The following CYP7B1 variants were observed in gnomAD, a reference collection of about 807,000 sequenced individuals.
CYP7B1 encodes the protein cytochrome P450 family 7 subfamily B member 1, also known as cytochrome P450 7B1.
CYP7B1 carries 29 observed loss-of-function variants against 42.7 expected under a neutral mutation model. The ratio of observed to expected loss-of-function variants is 0.68; its 90% CI spans 0.51 to 0.93. The LOEUF is 0.93. Among genes scored for constraint, CYP7B1 ranks in the 40% least tolerant of loss-of-function variants. The pLI, the probability that CYP7B1 is intolerant of heterozygous loss-of-function variation, is 0.00. For missense variants in CYP7B1, 655 were observed against 600.5 expected (o/e 1.09, Z -0.95); for synonymous variants, 235 against 218.2 (o/e 1.08, Z -0.68).
intron 2 of CYP7B1, among the ~76,000 whole-genome samples, chr8:64,620,297 T>C (rs138621795): frequency 7.2e-4 from 110 of 152,296 alleles, no homozygotes; most frequent in African/African-American, 2.4e-3. Context: ...GCTGAAAATA[T>C]CGGTTGGAAG....
At chr8:64,730,340 G>GCTC (rs1807390030) in intron 1 of CYP7B1, among the ~76,000 whole-genome samples, 2 of 152,076 alleles carry the variant, frequency 1.3e-5, no homozygotes, top group African/African-American at 4.8e-5. Context: ...AGAGTGCTAG[G>GCTC]ATTACAGGCA....
At chr8:64,716,094 A>G (rs1807150683) in intron 1 of CYP7B1, among the ~76,000 whole-genome samples, 1 of 152,224 alleles carries the variant, frequency 6.6e-6, no homozygotes, top group African/African-American at 2.4e-5. Context: ...TTTAAAGCTT[A>G]TGTTTTGCGT....
At chr8:64,605,349 T>C (rs1403140385) in intron 4 of CYP7B1, among the ~76,000 whole-genome samples, 2 of 152,246 alleles carry the variant, frequency 1.3e-5, no homozygotes, top group African/African-American at 4.8e-5. Context: ...ATTTCTTTTA[T>C]GCTAGCTGTA....
At chr8:64,760,101 T>C (rs1222118824) in intron 1 of CYP7B1, among the ~76,000 whole-genome samples, 1 of 152,146 alleles carries the variant, frequency 6.6e-6, no homozygotes, top group Non-Finnish European at 1.5e-5. Context: ...CATGCATATA[T>C]GATCAGCTAA....
chr8:64,702,593 G>A (rs1029955123), intron 1 of CYP7B1, among the ~76,000 whole-genome samples: 2 of 152,222 alleles, frequency 1.3e-5, no homozygotes, highest in Admixed American at 6.5e-5. Flanking sequence ...AGAACTGTGT[G>A]CAAAGTTCAA....
chr8:64,741,583 G>A (rs925031110), intron 1 of CYP7B1, among the ~76,000 whole-genome samples: 4 of 152,272 alleles, frequency 2.6e-5, no homozygotes, highest in Middle Eastern at 3.4e-3. Context: ...CTCCCATAGC[G>A]CTGGGATTAC....
In CYP7B1 at chr8:64,767,323, G is replaced by A. The variant is rs985889608; in HGVS notation, c.122+31143C>T. On this transcript the variant is annotated intron_variant, in intron 1 of 5. Coordinates refer to ENST00000310193, the MANE Select transcript of CYP7B1 (RefSeq NM_004820.5). ...GCAGTCTTACACTGCCAGGTTCATC[G>A]GAAAGGAAAGGGAAATAGAAGGGAA... is the stretch of plus-strand genomic sequence containing the variant. Among the ~76,000 whole-genome samples, 103 of 83,912 alleles carry A rather than the reference G, an allele frequency of 1.2e-3. 3 individuals are homozygous for A. The highest frequency in any genetic ancestry group is 6.7e-3 in the Middle Eastern group (1 of 150). The allele number at this position is 83,912 out of a possible 152,430, so 55.0% of individuals were successfully genotyped here. A position where few individuals can be genotyped will look rare whatever the true frequency, so the allele number is the denominator to read the frequency against.
At chr8:64,679,052 C>T (rs1178834201) in intron 1 of CYP7B1, among the ~76,000 whole-genome samples, 1 of 151,952 alleles carries the variant, frequency 6.6e-6, no homozygotes, top group Non-Finnish European at 1.5e-5. Context: ...TTCTAGGGGG[C>T]AGGAAAGGTA....
At chr8:64,739,931 T>C (rs1807544105) in intron 1 of CYP7B1, among the ~76,000 whole-genome samples, 1 of 152,120 alleles carries the variant, frequency 6.6e-6, no homozygotes, top group Admixed American at 6.6e-5. Context: ...AAAATTATCC[T>C]TCAAAACTGA....
At chr8:64,692,687 C>T (rs1036834643) in intron 1 of CYP7B1, among the ~76,000 whole-genome samples, 2 of 152,128 alleles carry the variant, frequency 1.3e-5, no homozygotes, top group Non-Finnish European at 1.5e-5. Context: ...GAGTCATTTC[C>T]ACACCTGTAT....
At chr8:64,720,259 G>T (rs1356861583) in intron 1 of CYP7B1, among the ~76,000 whole-genome samples, 1 of 152,124 alleles carries the variant, frequency 6.6e-6, no homozygotes, top group African/African-American at 2.4e-5. Flanking sequence ...GATGGTTGTT[G>T]CCAATTGTTT....
At chr8:64,722,566 A>AT (rs1371871047) in intron 1 of CYP7B1, among the ~76,000 whole-genome samples, 1 of 152,028 alleles carries the variant, frequency 6.6e-6, no homozygotes, top group Non-Finnish European at 1.5e-5. Context: ...AAAAAATGAG[A>AT]TAACACAGTA....
In CYP7B1 at chr8:64,592,176, A is replaced by G. The variant is rs1470454933; in HGVS notation, c.*4466T>C. Among the ~76,000 whole-genome samples, 2 of 152,050 alleles carry G rather than the reference A, an allele frequency of 1.3e-5. No homozygotes were observed. Among genetic ancestry groups the G allele is most frequent in the Non-Finnish European group, 2.9e-5 (2 of 68,014 alleles). On this transcript the variant is annotated 3_prime_UTR_variant, in exon 6 of 6. Transcript: ENST00000310193. ...GGACTCCAGCCTGGGCGACAGAGCA[A>G]GACTCCATCTAAAAAAAAAAAAGGA...
At chr8:64,783,378 T>C (rs1804463142) in intron 1 of CYP7B1, among the ~76,000 whole-genome samples, 1 of 152,174 alleles carries the variant, frequency 6.6e-6, no homozygotes, top group Non-Finnish European at 1.5e-5. Flanking sequence ...TACATAACCT[T>C]AACATCTCAG....
At chr8:64,764,229 G>GCTCCCCCCCCC (rs1554539986) in intron 1 of CYP7B1, among the ~76,000 whole-genome samples, 11 of 125,148 alleles carry the variant, frequency 8.8e-5, no homozygotes, top group African/African-American at 2.8e-4. Flanking sequence ...CTTCCACGCT[G>GCTCCCCCCCCC]CCCCCCCCAC....
intron 5 of CYP7B1, among the ~76,000 whole-genome samples, chr8:64,601,028 C>G (rs549222391): frequency 6.6e-6 from 1 of 152,278 alleles, no homozygotes; most frequent in East Asian, 1.9e-4. Context: ...ACTAGTGGCA[C>G]AATCTCTATT....
chr8:64,658,856 C>T (rs904070649), intron 1 of CYP7B1, among the ~76,000 whole-genome samples: 3 of 152,144 alleles, frequency 2.0e-5, no homozygotes, highest in Admixed American at 6.6e-5. Context: ...AATCTTTCTT[C>T]GTCAATTCCC....
intron 1 of CYP7B1, among the ~76,000 whole-genome samples, chr8:64,639,989 A>G (rs1269339947): frequency 1.3e-5 from 2 of 152,162 alleles, no homozygotes; most frequent in East Asian, 1.9e-4. Flanking sequence ...AAAAGAACAA[A>G]TCACTGATCC....
Position 64,798,478 on chromosome 8 carries a change from A to C in CYP7B1, c.110T>G (p.Val37Gly). ...ALLLLALCLL[V>G]RRTRRPGEPP... ...CCGAGGCGCTTACCTGGTGCGCCGG[A>C]CAAGCAAGCAGAGGGCCAGGAGCAG... Residue 37 changes from valine to glycine, a missense_variant, in exon 1 of 6, where the codon GTC becomes GGC. Transcript: ENST00000310193. 1 of 1,513,064 alleles carries C rather than the reference A, an allele frequency of 6.6e-7. No individual in the cohort carries two copies. The highest frequency in any genetic ancestry group is 2.6e-5 in the East Asian group (1 of 37,920). 93.7% of individuals were successfully genotyped at this position (1,513,064 alleles called of 1,614,324 possible).
Sources: allele counts gnomAD v4.1 joint callset (sites outside exome capture counted in the v4.1 genomes callset), GRCh38; gene constraint gnomAD v4.1.1; transcripts MANE v1.5; gene names NCBI Gene and HGNC (gene_info 2026-07-23, HGNC 2026-07-21).